RERE: variants seen among roughly 807,000 people sequenced by gnomAD.
The protein encoded by RERE is arginine-glutamic acid dipeptide repeats protein.
Under a neutral mutation model 146.1 loss-of-function variants are expected in RERE, and 40 were observed. That is an observed-to-expected ratio of 0.27 (90% CI 0.21 to 0.36). The LOEUF (loss-of-function observed/expected upper bound fraction) is 0.36, where lower values mean the gene tolerates loss of function less well. Ranked by LOEUF, RERE falls within the 10% of genes least tolerant of loss-of-function variation. RERE has a pLI of 1.00. For missense variants in RERE, 1,933 were observed against 2,138.7 expected (o/e 0.90, Z 1.90); for synonymous variants, 1,003 against 866.0 (o/e 1.16, Z -2.78).
chr1:8,730,949 A>G (rs189899154), intron 1 of RERE, among the ~76,000 whole-genome samples: 64 of 152,318 alleles, frequency 4.2e-4, no homozygotes, highest in Non-Finnish European at 7.3e-5. Context: ...TCACAGCAAG[A>G]AAACAGCTAA....
In RERE at chr1:8,633,264, A is replaced by T. The variant is rs535052136; in HGVS notation, c.326-8884T>A. Among the ~76,000 whole-genome samples, 6 of 152,188 alleles carry T rather than the reference A, an allele frequency of 3.9e-5. No individual in the cohort carries two copies. In the East Asian group the frequency reaches 5.8e-4, roughly 15 times the overall value. On this transcript the variant is annotated intron_variant, in intron 2 of 22. Transcript: ENST00000400908. ...GCAAGACTCCATCTCTACAAAAAAA[A>T]TTTTTTTAAATAGCTGGGCACGGTG...
At chr1:8,422,852 AC>A in intron 11 of RERE, 45 bp from the exon 12 acceptor site, 1 of 1,381,804 alleles carries the variant, frequency 7.2e-7, no homozygotes, top group Non-Finnish European at 1.0e-6. Flanking sequence ...CAAAAACAAA[AC>A]AGGATGTCAG....
chr1:8,607,197 A>C (rs561610234), intron 4 of RERE, among the ~76,000 whole-genome samples: 1 of 151,864 alleles, frequency 6.6e-6, no homozygotes, highest in Admixed American at 6.6e-5. Flanking sequence ...CCCGTCTCTA[A>C]AAAAATTTAA....
At chr1:8,429,051 G>T (rs992920208) in intron 11 of RERE, among the ~76,000 whole-genome samples, 3 of 152,104 alleles carry the variant, frequency 2.0e-5, no homozygotes, top group Non-Finnish European at 4.4e-5. Context: ...CATGGTATGA[G>T]AAAGGCAGGG....
At position 8,495,043 on chromosome 1, in the gene RERE, G is replaced by A; in HGVS notation, c.1104+20C>T. The A allele has an allele frequency of 6.4e-7, 1 of 1,551,916 alleles. No individual in the cohort carries two copies. The highest frequency in any genetic ancestry group is 8.9e-7 in the Non-Finnish European group (1 of 1,123,524). On this transcript the variant is annotated intron_variant, in intron 10 of 22. Coordinates refer to ENST00000400908, the MANE Select transcript of RERE (RefSeq NM_001042681.2). The stretch of plus-strand genomic sequence containing the variant: ...GAAAAAGAAGTGTCTTCCCACTCAG[G>A]GTGACTTCAAAAGACTTACTGTGTT...
chr1:8,387,587 C>G (rs1448171541), intron 12 of RERE, among the ~76,000 whole-genome samples: 3 of 152,214 alleles, frequency 2.0e-5, no homozygotes, highest in Middle Eastern at 3.4e-3. Context: ...ATCTAGAACT[C>G]TTACAAATCT....
intron 1 of RERE, among the ~76,000 whole-genome samples, chr1:8,693,990 G>C (rs12058669): frequency 2.1e-3 from 316 of 148,108 alleles, no homozygotes; most frequent in African/African-American, 7.5e-3. Flanking sequence ...TTAAATGTTA[G>C]GCCTGTTAGC....
chr1:8,638,016 T>C (rs1184943843), intron 2 of RERE, among the ~76,000 whole-genome samples: 1 of 152,258 alleles, frequency 6.6e-6, no homozygotes, highest in East Asian at 1.9e-4. Flanking sequence ...AACTGTGGCA[T>C]ATAGCCATTA....
At chr1:8,684,080 C>T (rs1639033561) in intron 1 of RERE, among the ~76,000 whole-genome samples, 1 of 152,126 alleles carries the variant, frequency 6.6e-6, no homozygotes, top group Non-Finnish European at 1.5e-5. Flanking sequence ...AGGTTAAATG[C>T]CAGTTTTTTT....
intron 1 of RERE, among the ~76,000 whole-genome samples, chr1:8,751,927 C>G (rs1640545368): frequency 6.9e-6 from 1 of 145,206 alleles, no homozygotes; most frequent in East Asian, 2.0e-4. Flanking sequence ...CGGGAACTGT[C>G]CCCAAATAAC....
intron 4 of RERE, among the ~76,000 whole-genome samples, chr1:8,605,770 A>AAAAAAAAAC (rs1646698931): frequency 6.9e-6 from 1 of 145,188 alleles, no homozygotes; most frequent in Admixed American, 6.8e-5. Context: ...AAAAAAAAAA[A>AAAAAAAAAC]ACCCCTAAAA....
At chr1:8,760,526 G>A (rs747119071) in intron 1 of RERE, among the ~76,000 whole-genome samples, 62 of 152,160 alleles carry the variant, frequency 4.1e-4, no homozygotes, top group Non-Finnish European at 6.8e-4. Flanking sequence ...TTGGTGTGAA[G>A]GGTGAGAGGT....
At chr1:8,633,478 A>C (rs10779704) in intron 2 of RERE, among the ~76,000 whole-genome samples, 81,690 of 149,062 alleles carry the variant, frequency 0.55, 22,503 homozygotes, top group East Asian at 0.77. Context: ...CACACACACA[A>C]AAATGTACTT....
chr1:8,501,038 G>A (rs1288507731), intron 8 of RERE, among the ~76,000 whole-genome samples: 24 of 133,572 alleles, frequency 1.8e-4, no homozygotes, highest in Non-Finnish European at 2.2e-4. Flanking sequence ...GGGAGGGGGG[G>A]GGGGGGTCAG....
intron 1 of RERE, among the ~76,000 whole-genome samples, chr1:8,735,565 C>T (rs144657561): frequency 3.7e-4 from 57 of 152,302 alleles, no homozygotes; most frequent in Middle Eastern, 3.4e-3. Context: ...GAGAATTCCA[C>T]CATATTCCAT....
intron 7 of RERE, among the ~76,000 whole-genome samples, chr1:8,527,176 C>T (rs759913400): frequency 2.0e-5 from 3 of 152,030 alleles, no homozygotes; most frequent in Non-Finnish European, 4.4e-5. Context: ...CTTATCCTGC[C>T]GATAATGTAA....
chr1:8,682,545 T>G (rs1386285998), intron 1 of RERE, among the ~76,000 whole-genome samples: 1 of 152,246 alleles, frequency 6.6e-6, no homozygotes, highest in Non-Finnish European at 1.5e-5. Context: ...GGACCATGTC[T>G]TGTTTTATGA....
chr1:8,495,303 T>G (rs1645031053), intron 9 of RERE, 141 bp from the exon 10 acceptor site: 3 of 536,338 alleles, frequency 5.6e-6, no homozygotes, highest in Non-Finnish European at 1.0e-5. Flanking sequence ...CAGCTCTGCC[T>G]CTGCTCCTAT....
intron 10 of RERE, among the ~76,000 whole-genome samples, chr1:8,488,331 C>T (rs1487899295): frequency 2.0e-5 from 3 of 151,982 alleles, no homozygotes; most frequent in African/African-American, 4.8e-5. Flanking sequence ...CTGTAACCTC[C>T]GCCTCCCGGG....
Sources: allele counts gnomAD v4.1 joint callset (sites outside exome capture counted in the v4.1 genomes callset), GRCh38; gene constraint gnomAD v4.1.1; transcripts MANE v1.5; gene names NCBI Gene and HGNC (gene_info 2026-07-23, HGNC 2026-07-21).